Variants in PSD3 observed in about 807,000 individuals in gnomAD.
PSD3 encodes PH and SEC7 domain-containing protein 3.
A neutral mutation model predicts 105.5 loss-of-function variants in PSD3; 49 were observed. The ratio of observed to expected loss-of-function variants is 0.46; its 90% CI spans 0.37 to 0.59. PSD3 has a LOEUF of 0.59. Ranked by LOEUF, PSD3 falls within the 20% of genes least tolerant of loss-of-function variation. PSD3 has a pLI of 0.00. For synonymous variants in PSD3, 557 were observed against 457.8 expected (o/e 1.22, Z -2.77); for missense variants, 1,561 against 1,263.8 (o/e 1.24, Z -3.57).
intron 1 of PSD3, among the ~76,000 whole-genome samples, chr8:19,020,063 A>G (rs1481958989): frequency 6.6e-6 from 1 of 152,118 alleles, no homozygotes; most frequent in African/African-American, 2.4e-5. Flanking sequence ...TATCCTTCTT[A>G]TGGGTAGTTA....
intron 1 of PSD3, among the ~76,000 whole-genome samples, chr8:18,949,275 A>ATATATT (rs1823091453): frequency 8.6e-6 from 1 of 116,430 alleles, no homozygotes; most frequent in Non-Finnish European, 1.8e-5. Context: ...ATATATATAT[A>ATATATT]TATTTATAGT....
At chr8:18,775,317 A>G (rs1807947826) in intron 8 of PSD3, among the ~76,000 whole-genome samples, 1 of 152,234 alleles carries the variant, frequency 6.6e-6, no homozygotes, top group African/African-American at 2.4e-5. Flanking sequence ...GTACTACAAT[A>G]AACATGGGAG....
At chr8:18,836,055 A>C (rs1458570138) in intron 4 of PSD3, among the ~76,000 whole-genome samples, 1 of 152,196 alleles carries the variant, frequency 6.6e-6, no homozygotes, top group Admixed American at 6.5e-5. Context: ...GTGGTAACAC[A>C]GTTGAGATAT....
chr8:18,637,163 A>G (rs1011455912), intron 10 of PSD3, among the ~76,000 whole-genome samples: 6 of 152,248 alleles, frequency 3.9e-5, no homozygotes, highest in Admixed American at 6.5e-5. Context: ...AAATTTATGT[A>G]CTAGAGTACA....
chr8:18,736,583 C>G (rs936449124), intron 9 of PSD3, among the ~76,000 whole-genome samples: 1 of 152,100 alleles, frequency 6.6e-6, no homozygotes, highest in African/African-American at 2.4e-5. Context: ...CAAGTTCCCT[C>G]CTTTGATCAT....
intron 11 of PSD3, among the ~76,000 whole-genome samples, chr8:18,613,302 G>A (rs1805409821): frequency 6.6e-6 from 1 of 152,096 alleles, no homozygotes; most frequent in Admixed American, 6.5e-5. Context: ...CTGCACATTG[G>A]GAGGAGGGGG....
intron 4 of PSD3, among the ~76,000 whole-genome samples, chr8:18,853,082 T>C (rs773261895): frequency 1.3e-5 from 2 of 152,196 alleles, no homozygotes; most frequent in Non-Finnish European, 2.9e-5. Flanking sequence ...ACTCTGCTTA[T>C]GTCTCTCATA....
chr8:18,878,121 T>C (rs1817856077), intron 2 of PSD3, among the ~76,000 whole-genome samples: 1 of 152,172 alleles, frequency 6.6e-6, no homozygotes, highest in Admixed American at 6.5e-5. Flanking sequence ...ACTTACTTAA[T>C]CTTCTTTAAT....
intron 4 of PSD3, among the ~76,000 whole-genome samples, chr8:18,827,170 T>G (rs1813264333): frequency 6.6e-6 from 1 of 152,194 alleles, no homozygotes; most frequent in Non-Finnish European, 1.5e-5. Context: ...CTTCATAGTC[T>G]AGAGAGTGAA....
At chr8:18,811,003 T>C (rs1170106947) in intron 4 of PSD3, among the ~76,000 whole-genome samples, 1 of 152,236 alleles carries the variant, frequency 6.6e-6, no homozygotes, top group Non-Finnish European at 1.5e-5. Flanking sequence ...TCCATCATTA[T>C]CTATGGCATT....
chr8:18,799,237 T>C, intron 8 of PSD3, 58 bp downstream of exon 8: 1 of 1,438,606 alleles, frequency 7.0e-7, no homozygotes, highest in South Asian at 1.1e-5. Flanking sequence ...TGTTTGAACA[T>C]AAAAGCAGAG....
chr8:18,809,104 C>G (rs151244365), intron 4 of PSD3, among the ~76,000 whole-genome samples: 99 of 152,280 alleles, frequency 6.5e-4, no homozygotes, highest in African/African-American at 2.2e-3. Flanking sequence ...GGATAACACC[C>G]CATTTTGTTT....
chr8:18,556,849 C>G (rs936455639), intron 14 of PSD3, among the ~76,000 whole-genome samples: 1 of 152,222 alleles, frequency 6.6e-6, no homozygotes, highest in African/African-American at 2.4e-5. Flanking sequence ...AATTTCTTCT[C>G]TGAAGCTTAC....
chr8:18,690,315 C>T (rs756404294), intron 9 of PSD3, among the ~76,000 whole-genome samples: 7 of 152,128 alleles, frequency 4.6e-5, no homozygotes, highest in African/African-American at 7.2e-5. Flanking sequence ...CCTTTCCATG[C>T]GGTAACATGA....
At chr8:18,557,129 C>G (rs1413813861) in intron 14 of PSD3, among the ~76,000 whole-genome samples, 1 of 152,150 alleles carries the variant, frequency 6.6e-6, no homozygotes, top group African/African-American at 2.4e-5. Flanking sequence ...GAACCTTCTG[C>G]CAGCATTTTA....
rs150334082 is a variant in PSD3, at chr8:18,578,956, G to A, written c.2482-3671C>T. Among the ~76,000 whole-genome samples, 16 of 152,164 alleles carry A rather than the reference G, an allele frequency of 1.1e-4. No individual in the cohort carries two copies. In the East Asian group the frequency reaches 2.7e-3, roughly 26 times the overall value. On this transcript the variant is annotated intron_variant, in intron 12 of 15. Transcript: ENST00000327040. ...TCTATTTAATTAGGGCTAAACTGAA[G>A]TTGAAAAATTTTAAGTCTAGGAAGC...
chr8:18,929,624 C>G (rs1821605351), intron 2 of PSD3, among the ~76,000 whole-genome samples: 1 of 152,140 alleles, frequency 6.6e-6, no homozygotes. Flanking sequence ...TAAGGACACA[C>G]ACTCCACACA....
At chr8:18,587,374 T>G (rs1397278275) in intron 12 of PSD3, among the ~76,000 whole-genome samples, 2 of 152,120 alleles carry the variant, frequency 1.3e-5, no homozygotes, top group Non-Finnish European at 2.9e-5. Flanking sequence ...TATGACATTG[T>G]GATACCATCT....
At chr8:18,584,357 A>G (rs1803012748) in intron 12 of PSD3, among the ~76,000 whole-genome samples, 2 of 152,216 alleles carry the variant, frequency 1.3e-5, no homozygotes, top group Admixed American at 1.3e-4. Context: ...TCTCCCCACA[A>G]CAGCATTTTA....
Sources: allele counts gnomAD v4.1 joint callset (sites outside exome capture counted in the v4.1 genomes callset), GRCh38; gene constraint gnomAD v4.1.1; transcripts MANE v1.5; gene names NCBI Gene and HGNC (gene_info 2026-07-23, HGNC 2026-07-21).